CALN1: variants seen among roughly 807,000 people sequenced by gnomAD.
The protein encoded by CALN1 is calcium-binding protein 8.
Under a neutral mutation model 30.6 loss-of-function variants are expected in CALN1, and 17 were observed. That is an observed-to-expected ratio of 0.56 (90% CI 0.38 to 0.83). The LOEUF (loss-of-function observed/expected upper bound fraction) is 0.83. Among genes scored for constraint, CALN1 ranks in the 40% least tolerant of loss-of-function variants. The probability of loss-of-function intolerance (pLI) is 0.00; values close to 1 mark genes in which losing one functional copy is unlikely to be tolerated. For missense variants in CALN1, 291 were observed against 354.9 expected (o/e 0.82, Z 1.45); for synonymous variants, 156 against 131.4 (o/e 1.19, Z -1.28).
chr7:72,401,023 C>G (rs1380069571), intron 2 of CALN1, among the ~76,000 whole-genome samples: 1 of 152,132 alleles, frequency 6.6e-6, no homozygotes, highest in African/African-American at 2.4e-5. Flanking sequence ...AGTGGTGGCT[C>G]TCTTTTGAGC....
At chr7:72,299,689 CTT>C (rs34296600) in intron 2 of CALN1, among the ~76,000 whole-genome samples, 47 of 119,834 alleles carry the variant, frequency 3.9e-4, no homozygotes, top group African/African-American at 1.3e-3. Context: ...ATGCTCTTAT[CTT>C]TTTTTTTTTT....
At chr7:72,315,563 G>A (rs1348596193) in intron 2 of CALN1, among the ~76,000 whole-genome samples, 1 of 151,972 alleles carries the variant, frequency 6.6e-6, no homozygotes, top group Non-Finnish European at 1.5e-5. Flanking sequence ...AAAATTAGAT[G>A]GTGTGGTGGT....
At chr7:72,365,427 A>G (rs1337526857) in intron 2 of CALN1, among the ~76,000 whole-genome samples, 1 of 152,090 alleles carries the variant, frequency 6.6e-6, no homozygotes, top group Non-Finnish European at 1.5e-5. Flanking sequence ...AAGTGCATAA[A>G]ATGAGAAATA....
chr7:72,194,589 CCTCT>C (rs1562717952), intron 3 of CALN1, among the ~76,000 whole-genome samples: 1 of 141,644 alleles, frequency 7.1e-6, no homozygotes. Context: ...TCCTAACTGG[CCTCT>C]TTTTTTTTTT....
At chr7:71,923,377 AAG>A (rs1307234352) in intron 5 of CALN1, among the ~76,000 whole-genome samples, 1 of 152,196 alleles carries the variant, frequency 6.6e-6, no homozygotes, top group East Asian at 1.9e-4. Context: ...AGCTAGCTTG[AAG>A]GAAGAATGCA....
At chr7:71,941,208 G>T (rs1483820330) in intron 5 of CALN1, among the ~76,000 whole-genome samples, 1 of 150,680 alleles carries the variant, frequency 6.6e-6, no homozygotes, top group African/African-American at 2.4e-5. Context: ...AAATTAGCTG[G>T]GTGTGGTGGC....
intron 3 of CALN1, among the ~76,000 whole-genome samples, chr7:72,275,122 G>A (rs1474135157): frequency 6.6e-6 from 1 of 152,038 alleles, no homozygotes; most frequent in African/African-American, 2.4e-5. Flanking sequence ...GGCTGCAGTG[G>A]CTGCAGGGTG....
intron 4 of CALN1, among the ~76,000 whole-genome samples, chr7:72,055,938 T>C (rs1327582738): frequency 6.6e-6 from 1 of 152,192 alleles, no homozygotes; most frequent in Non-Finnish European, 1.5e-5. Context: ...GGAGGATTGC[T>C]TGAGCTCAGC....
At chr7:71,923,473 A>G (rs138630921) in intron 5 of CALN1, among the ~76,000 whole-genome samples, 278 of 152,292 alleles carry the variant, frequency 1.8e-3, no homozygotes, top group Non-Finnish European at 3.3e-3. Context: ...ATTAACCTCA[A>G]TAGTATGTCA....
chr7:72,181,730 C>T (rs1789823081), intron 3 of CALN1, among the ~76,000 whole-genome samples: 1 of 152,210 alleles, frequency 6.6e-6, no homozygotes, highest in Admixed American at 6.5e-5. Context: ...CCATCTTGGC[C>T]TCCCAAAGTG....
intron 5 of CALN1, among the ~76,000 whole-genome samples, chr7:72,018,832 A>T (rs919547097): frequency 1.4e-5 from 2 of 146,082 alleles, no homozygotes; most frequent in Admixed American, 1.3e-4. Flanking sequence ...GAAAAAAATT[A>T]TTTTATTTAT....
chr7:71,845,733 C>A (rs550652949), intron 5 of CALN1, among the ~76,000 whole-genome samples: 5 of 152,132 alleles, frequency 3.3e-5, no homozygotes, highest in African/African-American at 1.2e-4. Flanking sequence ...ACTTCTAGGG[C>A]TGACCTGGGA....
intron 3 of CALN1, among the ~76,000 whole-genome samples, chr7:72,132,728 T>C (rs1809240419): frequency 6.6e-6 from 1 of 152,220 alleles, no homozygotes; most frequent in Non-Finnish European, 1.5e-5. Flanking sequence ...ATATTGTATG[T>C]CCCCGGCTAA....
rs547761266 is a variant in CALN1 at position 71,824,471 on chromosome 7, G to A, written c.502-13979C>T. On this transcript the variant is annotated intron_variant, in intron 5 of 6. Coordinates refer to ENST00000395275, the MANE Select transcript of CALN1 (RefSeq NM_031468.4). ...AGTCCCCAGTGAAGTCTGAATTCCC[G>A]ATAAGATGAAATGCCAGGCTGCCAA... is the stretch of plus-strand genomic sequence containing the variant. Among the ~76,000 whole-genome samples, 19 of 152,216 alleles carry A rather than the reference G, an allele frequency of 1.2e-4. No individual in the cohort carries two copies. In the South Asian group the frequency reaches 2.5e-3, roughly 20 times the overall value.
chr7:72,492,249 A>G, the CALN1 span, among the ~76,000 whole-genome samples: 1 of 152,242 alleles, frequency 6.6e-6, no homozygotes, highest in African/African-American at 2.4e-5. Context: ...GAATGAACTT[A>G]AATGTCTAAG....
At chr7:71,971,989 G>GAAAGAAAC (rs1797858287) in intron 5 of CALN1, among the ~76,000 whole-genome samples, 2 of 96,996 alleles carry the variant, frequency 2.1e-5, no homozygotes, top group Non-Finnish European at 4.6e-5. Flanking sequence ...AAGAAAGAAA[G>GAAAGAAAC]AAAGAGAAAG....
At chr7:72,167,989 C>T (rs956449752) in intron 3 of CALN1, among the ~76,000 whole-genome samples, 1 of 152,160 alleles carries the variant, frequency 6.6e-6, no homozygotes, top group Admixed American at 6.5e-5. Flanking sequence ...TCTCAACAAG[C>T]TTATACAGTA....
chr7:72,032,732 T>C (rs941111980), intron 4 of CALN1, among the ~76,000 whole-genome samples: 7 of 152,224 alleles, frequency 4.6e-5, no homozygotes, highest in Non-Finnish European at 1.0e-4. Context: ...CCTCTTTGTC[T>C]GCAGTCAGGA....
intron 1 of CALN1, among the ~76,000 whole-genome samples, chr7:72,418,619 C>T (rs1020057757): frequency 2.0e-5 from 3 of 151,832 alleles, no homozygotes; most frequent in African/African-American, 4.8e-5. Context: ...GTAGCTTCCC[C>T]GCCCCGGCTC....
Sources: allele counts gnomAD v4.1 joint callset (sites outside exome capture counted in the v4.1 genomes callset), GRCh38; gene constraint gnomAD v4.1.1; transcripts MANE v1.5; gene names NCBI Gene and HGNC (gene_info 2026-07-23, HGNC 2026-07-21).